XKR4: variants seen among roughly 807,000 people sequenced by gnomAD.
The protein encoded by XKR4 is XK related 4, also known as XK-related protein 4.
In XKR4, 12 loss-of-function variants were observed where a neutral mutation model predicts 53.9. The observed-to-expected ratio is 0.22, with a 90% confidence interval of 0.14 to 0.36. The LOEUF is 0.36. XKR4 is among the 10% of genes least tolerant of loss of function. The pLI is 1.00. For synonymous variants in XKR4, 354 were observed against 362.4 expected, an observed-to-expected ratio of 0.98 and a Z score of 0.26; for missense variants, 799 against 859.5, an observed-to-expected ratio of 0.93 and a Z score of 0.88.
At chr8:55,298,384 G>T (rs1219661419) in intron 1 of XKR4, among the ~76,000 whole-genome samples, 2 of 152,158 alleles carry the variant, frequency 1.3e-5, no homozygotes, top group East Asian at 3.8e-4. Context: ...ATAAAGAAAA[G>T]AATTTTATCT....
chr8:55,513,712 G>A lies in XKR4; in HGVS notation c.1007-9569G>A, dbSNP rs117433166. 3.8e-4 allele frequency among the ~76,000 whole-genome samples: 58 copies of A among 152,304 alleles called. 1 individual carries two copies. The East Asian group carries it at 8.1e-3, about 21-fold the overall frequency. ...TTGTTTGGTTGTTTGGCTGGCCACC[G>A]TGCCTCTGGGCTTTCATGCAGACAG... On this transcript the variant is annotated intron_variant, in intron 2 of 2. Transcript: ENST00000327381.
intron 2 of XKR4, among the ~76,000 whole-genome samples, chr8:55,379,551 C>G (rs1163882226): frequency 6.6e-6 from 1 of 152,238 alleles, no homozygotes; most frequent in African/African-American, 2.4e-5. Flanking sequence ...TCTCAGAGCA[C>G]AGACATGAGA....
chr8:55,516,376 A>G (rs565140105), intron 2 of XKR4, among the ~76,000 whole-genome samples: 2 of 152,304 alleles, frequency 1.3e-5, no homozygotes, highest in East Asian at 1.9e-4. Context: ...TGTGTAATGA[A>G]TGGTCATGTG....
At chr8:55,156,565 C>T (rs1391743575) in intron 1 of XKR4, among the ~76,000 whole-genome samples, 2 of 151,890 alleles carry the variant, frequency 1.3e-5, no homozygotes, top group East Asian at 3.9e-4. Context: ...AAGAGTTTGG[C>T]GATAACTGAA....
At chr8:55,338,086 A>T (rs1462002850) in intron 1 of XKR4, among the ~76,000 whole-genome samples, 1 of 152,214 alleles carries the variant, frequency 6.6e-6, no homozygotes, top group Non-Finnish European at 1.5e-5. Flanking sequence ...AAAAAAATGT[A>T]AAACTTTTGT....
chr8:55,291,845 G>A (rs1819025680), intron 1 of XKR4, among the ~76,000 whole-genome samples: 1 of 152,030 alleles, frequency 6.6e-6, no homozygotes, highest in Admixed American at 6.6e-5. Flanking sequence ...ATCAAGCTGA[G>A]GAAGTACTTC....
intron 1 of XKR4, among the ~76,000 whole-genome samples, chr8:55,106,120 A>AG (rs1816143442): frequency 2.0e-5 from 3 of 152,200 alleles, no homozygotes; most frequent in Admixed American, 6.5e-5. Flanking sequence ...GGGATCAATA[A>AG]AATAGATTTT....
chr8:55,390,345 A>G (rs1306589093), intron 2 of XKR4, among the ~76,000 whole-genome samples: 1 of 152,222 alleles, frequency 6.6e-6, no homozygotes, highest in East Asian at 1.9e-4. Context: ...CAATTTTTAT[A>G]TCAGAAAGGA....
chr8:55,174,880 T>C (rs778730560), intron 1 of XKR4, among the ~76,000 whole-genome samples: 36 of 152,150 alleles, frequency 2.4e-4, no homozygotes, highest in Non-Finnish European at 3.7e-4. Context: ...CAGCCAACGA[T>C]CCCATATCAT....
At chr8:55,236,518 A>G (rs1818129177) in intron 1 of XKR4, among the ~76,000 whole-genome samples, 1 of 152,168 alleles carries the variant, frequency 6.6e-6, no homozygotes, top group Admixed American at 6.5e-5. Flanking sequence ...TGGCCCACAG[A>G]GCTGTCCTTA....
At chr8:55,198,908 CT>C (rs1389690941) in intron 1 of XKR4, among the ~76,000 whole-genome samples, 4 of 152,188 alleles carry the variant, frequency 2.6e-5, no homozygotes, top group African/African-American at 9.7e-5. Flanking sequence ...TTAGCCTTAA[CT>C]TTAGCAAACT....
intron 2 of XKR4, among the ~76,000 whole-genome samples, chr8:55,370,417 C>T (rs927039568): frequency 6.6e-6 from 1 of 152,140 alleles, no homozygotes; most frequent in African/African-American, 2.4e-5. Context: ...TTATTGTATC[C>T]ACCTTCATAA....
At chr8:55,142,379 G>T in intron 1 of XKR4, 1 of 303,826 alleles carries the variant, frequency 3.3e-6, no homozygotes, top group Non-Finnish European at 6.6e-6. Flanking sequence ...CCTGCCTCTT[G>T]GCAACCCGTT....
At chr8:55,289,061 T>C (rs142826996) in intron 1 of XKR4, among the ~76,000 whole-genome samples, 6 of 152,314 alleles carry the variant, frequency 3.9e-5, no homozygotes, top group Middle Eastern at 6.8e-3. Context: ...GTCATTTACC[T>C]GTTCAAAGAC....
chr8:55,468,505 A>G (rs1467661836), intron 2 of XKR4, among the ~76,000 whole-genome samples: 9 of 152,170 alleles, frequency 5.9e-5, no homozygotes, highest in Non-Finnish European at 1.3e-4. Context: ...TAAAAAAAAT[A>G]CATTGGATAA....
intron 2 of XKR4, among the ~76,000 whole-genome samples, chr8:55,520,397 CCAA>C (rs1435434049): frequency 6.6e-6 from 1 of 152,214 alleles, no homozygotes; most frequent in East Asian, 1.9e-4. Flanking sequence ...ACCAGCCTGA[CCAA>C]CATGGTGAAA....
Position 55,535,274 on chromosome 8 carries a change from G to A in XKR4, c.*11047G>A, listed in dbSNP as rs901339019. On this transcript the variant is annotated 3_prime_UTR_variant, in exon 3 of 3. Transcript: ENST00000327381. Reference sequence around the variant, plus strand: ...AAGTTTTAGGGTACATGTGCACAACGTGCAGGTTTGTTACATATGTATACA... The same window carrying A: ...AAGTTTTAGGGTACATGTGCACAACATGCAGGTTTGTTACATATGTATACA... The A allele has an allele frequency of 1.3e-5, 2 of 150,378 alleles. No homozygotes were observed. Among genetic ancestry groups the A allele is most frequent in the Non-Finnish European group, 3.0e-5 (2 of 67,734 alleles). The allele number at this position is 150,378 out of a possible 1,614,324, so 9.3% of individuals were successfully genotyped here. A position where few individuals can be genotyped will look rare whatever the true frequency, so the allele number is the denominator to read the frequency against.
At chr8:55,497,148 CTCCTGAACCGTATT>C (rs1806363606) in intron 2 of XKR4, among the ~76,000 whole-genome samples, 1 of 152,210 alleles carries the variant, frequency 6.6e-6, no homozygotes, top group Non-Finnish European at 1.5e-5. Flanking sequence ...TAAAAGCAAA[CTCCTGAACCGTATT>C]TCCCAGATGT....
At chr8:55,324,393 A>G (rs910882938) in intron 1 of XKR4, among the ~76,000 whole-genome samples, 8 of 152,130 alleles carry the variant, frequency 5.3e-5, no homozygotes, top group Non-Finnish European at 8.8e-5. Context: ...CGCACCCAGC[A>G]TTTATTTTCT....
Sources: gnomAD v4.1 joint callset for allele counts (sites outside exome capture counted in the v4.1 genomes callset) on GRCh38, gnomAD v4.1.1 for gene constraint, MANE v1.5 for transcripts, NCBI Gene and HGNC (gene_info 2026-07-23, HGNC 2026-07-21) for gene names.